WDR91: variants seen among roughly 807,000 people sequenced by gnomAD.
WDR91 encodes the protein WD repeat-containing protein 91.
Under a neutral mutation model 88.4 loss-of-function variants are expected in WDR91, and 52 were observed. The ratio of observed to expected loss-of-function variants is 0.59; its 90% confidence interval spans 0.47 to 0.74. WDR91 has a LOEUF of 0.74. Among genes scored for constraint, WDR91 ranks in the 30% least tolerant of loss-of-function variants. The probability of loss-of-function intolerance (pLI) is 0.00; values close to 1 mark genes in which losing one functional copy is unlikely to be tolerated. For missense variants in WDR91, 824 were observed against 954.5 expected, an observed-to-expected ratio of 0.86 and a Z score of 1.80; for synonymous variants, 362 against 389.5, an observed-to-expected ratio of 0.93 and a Z score of 0.83.
At position 135,211,480 on chromosome 7, in the gene WDR91, G is replaced by A. The variant is rs894940622; in HGVS notation, c.23C>T (p.Thr8Ile). 1 of 1,611,624 alleles carries A rather than the reference G, an allele frequency of 6.2e-7. No individual in the cohort carries two copies. Among genetic ancestry groups the A allele is most frequent in the South Asian group, 1.1e-5 (1 of 90,930 alleles). Residue 8 changes from threonine to isoleucine, a missense_variant, in exon 1 of 15, where the codon ACT becomes ATT. Coordinates refer to ENST00000354475, the MANE Select transcript of WDR91 (RefSeq NM_014149.4). ...CAGGTACTCCCGGACCAGCTCGTCA[G>A]TGCGCTCCACGGCCTCCGCCATCGC... MAEAVER[T>I]DELVREYLLF...
intron 9 of WDR91, 98 bp from the exon 10 acceptor site, chr7:135,193,770 G>T: frequency 1.0e-6 from 1 of 969,822 alleles, no homozygotes; most frequent in Non-Finnish European, 1.6e-6. Flanking sequence ...GGCTGTGGGG[G>T]TGAGGCCCCT....
intron 2 of WDR91, 125 bp downstream of exon 2, chr7:135,209,451 T>C: frequency 2.2e-6 from 2 of 929,396 alleles, no homozygotes; most frequent in Non-Finnish European, 3.1e-6. Context: ...ATAATTGCAC[T>C]GTAACTGCTG....
chr7:135,202,265 A>T (rs1464738759), intron 6 of WDR91: 4 of 152,182 alleles, frequency 2.6e-5, no homozygotes, highest in African/African-American at 9.7e-5. Context: ...TTCCCTCTAA[A>T]ATTCTGTGAT....
At chr7:135,210,983 T>C in intron 1 of WDR91, 1 of 695,812 alleles carries the variant, frequency 1.4e-6, no homozygotes, top group South Asian at 1.5e-5. Flanking sequence ...GCAGCTAACG[T>C]TTTGGACTGC....
rs770023532 is a variant in WDR91 at position 135,205,920 on chromosome 7, A to G, written c.725+8T>C. 3.7e-6 allele frequency: 6 copies of G among 1,612,962 alleles called. No homozygotes were observed. Among genetic ancestry groups the G allele is most frequent in the Admixed American group, 1.7e-5 (1 of 60,006 alleles). On this transcript the variant is annotated splice_region_variant and intron_variant, in intron 5 of 14. Transcript: ENST00000354475. ...AAAGAAAAGGAAAGGGCCGTCACAC[A>G]CACTCACAGTTCCGAGTCCCCCAGG...
intron 12 of WDR91, 145 bp from the exon 13 acceptor site, chr7:135,188,690 C>T: frequency 1.5e-6 from 1 of 678,860 alleles, no homozygotes; most frequent in South Asian, 1.7e-5. Context: ...CAATGAGCGC[C>T]ATAAAGCTGC....
rs1831689511 is a variant in WDR91, at chr7:135,204,450, C to A, written c.726-17G>T. 5.6e-6 allele frequency: 9 copies of A among 1,613,260 alleles called. No homozygotes were observed. The highest frequency in any genetic ancestry group is 1.3e-5 in the African/African-American group (1 of 75,050). Reference sequence around the variant, plus strand: ...ACCATGGCACTGGTCAGCAAACACACCACAGGGTCAGAGGGCTGAAACAGG... The same window carrying A: ...ACCATGGCACTGGTCAGCAAACACAACACAGGGTCAGAGGGCTGAAACAGG... On this transcript the variant is annotated splice_polypyrimidine_tract_variant and intron_variant, in intron 5 of 14. Coordinates refer to ENST00000354475, the MANE Select transcript of WDR91 (RefSeq NM_014149.4).
chr7:135,208,735 C>G, intron 3 of WDR91, 56 bp downstream of exon 3: 1 of 1,477,144 alleles, frequency 6.8e-7, no homozygotes, highest in Non-Finnish European at 9.1e-7. Context: ...GGCTACTGAT[C>G]CTGAGGTCTG....
intron 13 of WDR91, 53 bp downstream of exon 13, chr7:135,188,380 C>T: frequency 6.6e-7 from 1 of 1,514,760 alleles, no homozygotes; most frequent in Non-Finnish European, 9.2e-7. Flanking sequence ...CAACCTGCAG[C>T]CGGCCCACAT....
chr7:135,187,276 G>A (rs1300796439), intron 13 of WDR91, 107 bp from the exon 14 acceptor site: 26 of 1,104,560 alleles, frequency 2.4e-5, no homozygotes, highest in Non-Finnish European at 2.7e-5. Context: ...AGGGCGACCC[G>A]CCTCCCCCAG....
At chr7:135,206,767 A>G (rs976437257) in intron 4 of WDR91, among the ~76,000 whole-genome samples, 5 of 151,188 alleles carry the variant, frequency 3.3e-5, no homozygotes, top group Admixed American at 1.3e-4. Context: ...ATATATGTGT[A>G]TATATATATA....
rs1421816119 is a variant in WDR91, at chr7:135,186,271, A to G, written c.2124T>C (p.Gly708=). Reference sequence around the variant, plus strand: ...CGGTGACCACAGGGGCTCGGTGGCCACCTAGGCTCAAGCAGCTCTCCAGAA... The same window carrying G: ...CGGTGACCACAGGGGCTCGGTGGCCGCCTAGGCTCAAGCAGCTCTCCAGAA... ...EKVLESCLSL[G]GHRAPVVTVD... Residue 708 remains glycine (G), a synonymous_variant, in exon 15 of 15, where the codon GGT becomes GGC. Transcript: ENST00000354475. The G allele has an allele frequency of 6.2e-7, 1 of 1,612,834 alleles. No individual in the cohort carries two copies. The highest frequency in any genetic ancestry group is 8.5e-7 in the Non-Finnish European group (1 of 1,179,508).
intron 9 of WDR91, among the ~76,000 whole-genome samples, chr7:135,194,522 G>C (rs1307809709): frequency 1.3e-5 from 2 of 152,156 alleles, no homozygotes; most frequent in Non-Finnish European, 2.9e-5. Context: ...CTATTCCTGG[G>C]GACAATAAGA....
At chr7:135,209,491 C>T (rs1831934099) in intron 2 of WDR91, 85 bp downstream of exon 2, 2 of 1,342,500 alleles carry the variant, frequency 1.5e-6, no homozygotes, top group African/African-American at 1.5e-5. Context: ...ATACAGATTC[C>T]TCCCTAGGAA....
intron 11 of WDR91, among the ~76,000 whole-genome samples, chr7:135,191,792 C>T (rs953259438): frequency 2.4e-4 from 36 of 152,254 alleles, no homozygotes; most frequent in African/African-American, 8.4e-4. Context: ...TTATACTATA[C>T]ACCTATGATT....
chr7:135,186,650 T>C (rs292555), intron 14 of WDR91, among the ~76,000 whole-genome samples: 105,043 of 151,758 alleles, frequency 0.69, 37,094 homozygotes, highest in Admixed American at 0.81. Flanking sequence ...CTCATGAATC[T>C]GCTTATTTGT....
chr7:135,206,730 G>GA (rs1427827658), intron 4 of WDR91, among the ~76,000 whole-genome samples: 1 of 150,610 alleles, frequency 6.6e-6, no homozygotes, highest in African/African-American at 2.4e-5. Context: ...TGTATATATA[G>GA]TTTATATATA....
chr7:135,189,663 C>G (rs1408367146), intron 11 of WDR91, among the ~76,000 whole-genome samples: 1 of 152,228 alleles, frequency 6.6e-6, no homozygotes, highest in East Asian at 1.9e-4. Flanking sequence ...TAAATACATT[C>G]TGGTTTCCAT....
intron 1 of WDR91, chr7:135,210,832 C>A: frequency 1.4e-6 from 1 of 703,690 alleles, no homozygotes; most frequent in Non-Finnish European, 2.6e-6. Context: ...ATTCCAAGAA[C>A]CTCGCAATGG....
Sources: gnomAD v4.1 joint callset for allele counts (sites outside exome capture counted in the v4.1 genomes callset) on GRCh38, gnomAD v4.1.1 for gene constraint, MANE v1.5 for transcripts, NCBI Gene and HGNC (gene_info 2026-07-23, HGNC 2026-07-21) for gene names.